The following MACROD2 variants were observed in gnomAD, a reference collection of about 807,000 sequenced individuals.
MACROD2 encodes the protein ADP-ribose glycohydrolase MACROD2.
MACROD2 carries 36 observed loss-of-function variants against 70.4 expected under a neutral mutation model. That is an observed-to-expected ratio of 0.51 (90% confidence interval 0.39 to 0.68). The LOEUF (loss-of-function observed/expected upper bound fraction) is 0.68. MACROD2 is among the 30% of genes least tolerant of loss of function. The pLI, the probability that MACROD2 is intolerant of heterozygous loss-of-function variation, is 0.00. For synonymous variants in MACROD2, 172 were observed against 178.8 expected, an observed-to-expected ratio of 0.96 and a Z score of 0.30; for missense variants, 496 against 538.4, an observed-to-expected ratio of 0.92 and a Z score of 0.78.
chr20:15,721,962 G>A (rs2146935999), intron 8 of MACROD2, among the ~76,000 whole-genome samples: 1 of 152,048 alleles, frequency 6.6e-6, no homozygotes, highest in African/African-American at 2.4e-5. Context: ...TATTGTTTTT[G>A]AATCTTATAT....
chr20:15,210,086 C>CT (rs1357420514), intron 5 of MACROD2, among the ~76,000 whole-genome samples: 1 of 152,194 alleles, frequency 6.6e-6, no homozygotes, highest in African/African-American at 2.4e-5. Flanking sequence ...GTTCATCTCT[C>CT]TCTCACTATT....
At chr20:14,679,607 ATAGAT>A (rs2070905315) in intron 4 of MACROD2, among the ~76,000 whole-genome samples, 1 of 152,226 alleles carries the variant, frequency 6.6e-6, no homozygotes. Flanking sequence ...AGAATTGACA[ATAGAT>A]TAGAGAATTT....
rs541829265 is a variant in MACROD2, at chr20:15,449,422, G to A, written c.571+17987G>A. ...GCTTTTAATCATTAAAGTGAGATAC[G>A]CACATGCTAAAAAACAGTAAAGCAA... On this transcript the variant is annotated intron_variant, in intron 7 of 17. Coordinates refer to ENST00000684519, the MANE Select transcript of MACROD2 (RefSeq NM_001351661.2). Among the ~76,000 whole-genome samples, 553 of 152,158 alleles carry A rather than the reference G, an allele frequency of 3.6e-3. 3 individuals are homozygous for A. Among genetic ancestry groups the A allele is most frequent in the Non-Finnish European group, 5.9e-3 (400 of 67,988 alleles).
intron 6 of MACROD2, among the ~76,000 whole-genome samples, chr20:15,291,316 C>A (rs1220703520): frequency 6.6e-6 from 1 of 152,212 alleles, no homozygotes; most frequent in African/African-American, 2.4e-5. Context: ...GATCAGCTGG[C>A]TGACCTTTGC....
At chr20:15,336,266 G>A (rs575373924) in intron 6 of MACROD2, among the ~76,000 whole-genome samples, 4 of 151,358 alleles carry the variant, frequency 2.6e-5, no homozygotes, top group South Asian at 4.2e-4. Flanking sequence ...TCAGTAGGTG[G>A]AGGCTTAATA....
At chr20:16,035,927 C>G (rs1369326683) in intron 15 of MACROD2, among the ~76,000 whole-genome samples, 1 of 151,914 alleles carries the variant, frequency 6.6e-6, no homozygotes, top group Non-Finnish European at 1.5e-5. Flanking sequence ...TGCTAACATC[C>G]CATTGGCCAA....
At chr20:15,461,798 T>G (rs1388942852) in intron 7 of MACROD2, among the ~76,000 whole-genome samples, 1 of 152,156 alleles carries the variant, frequency 6.6e-6, no homozygotes, top group Admixed American at 6.5e-5. Context: ...ACCCAGAAAC[T>G]TGGTGGCTTA....
chr20:14,460,049 A>G (rs1036988290), intron 3 of MACROD2, among the ~76,000 whole-genome samples: 2 of 152,148 alleles, frequency 1.3e-5, no homozygotes, highest in Non-Finnish European at 2.9e-5. Context: ...TGCAAAGGAC[A>G]TGAACTCATC....
chr20:15,039,963 T>A (rs1323753877), intron 5 of MACROD2, among the ~76,000 whole-genome samples: 1 of 152,264 alleles, frequency 6.6e-6, no homozygotes, highest in Non-Finnish European at 1.5e-5. Flanking sequence ...CCACTTGTTA[T>A]TAAGGGGTCG....
chr20:14,056,354 A>G (rs1024338266), intron 2 of MACROD2, among the ~76,000 whole-genome samples: 5 of 151,884 alleles, frequency 3.3e-5, no homozygotes, highest in Non-Finnish European at 5.9e-5. Flanking sequence ...TTTTAAAGCA[A>G]TGGCCCTTTG....
At chr20:15,560,619 C>T (rs2048228490) in intron 8 of MACROD2, among the ~76,000 whole-genome samples, 1 of 151,714 alleles carries the variant, frequency 6.6e-6, no homozygotes, top group Non-Finnish European at 1.5e-5. Context: ...CAAAATTAGC[C>T]AGTCATGGTG....
chr20:15,399,145 C>G (rs933988502), intron 6 of MACROD2, among the ~76,000 whole-genome samples: 4 of 152,116 alleles, frequency 2.6e-5, no homozygotes, highest in Non-Finnish European at 5.9e-5. Flanking sequence ...CCCAAGCAGA[C>G]AGGGTTCAGT....
intron 3 of MACROD2, among the ~76,000 whole-genome samples, chr20:14,294,231 T>C (rs983940659): frequency 6.8e-6 from 1 of 146,476 alleles, no homozygotes; most frequent in East Asian, 1.9e-4. Context: ...TGTGTGTGTG[T>C]TCATGCATGT....
At chr20:14,402,926 G>C (rs770210069) in intron 3 of MACROD2, among the ~76,000 whole-genome samples, 7 of 152,142 alleles carry the variant, frequency 4.6e-5, no homozygotes, top group Non-Finnish European at 1.0e-4. Context: ...GCAGCTACTT[G>C]CATGGGTAAT....
At chr20:14,675,987 A>G (rs544272799) in intron 4 of MACROD2, among the ~76,000 whole-genome samples, 1 of 152,354 alleles carries the variant, frequency 6.6e-6, no homozygotes, top group African/African-American at 2.4e-5. Context: ...CAATGCAACA[A>G]GAAGAGCTAA....
chr20:14,483,221 A>G (rs1164767894), intron 3 of MACROD2, among the ~76,000 whole-genome samples: 1 of 152,160 alleles, frequency 6.6e-6, no homozygotes, highest in Admixed American at 6.5e-5. Flanking sequence ...TGTTTGGCAT[A>G]CATGAAGCGT....
At chr20:14,407,522 C>T (rs2083704178) in intron 3 of MACROD2, among the ~76,000 whole-genome samples, 1 of 152,040 alleles carries the variant, frequency 6.6e-6, no homozygotes, top group South Asian at 2.1e-4. Context: ...TCATATTGTT[C>T]AACATTAGGT....
chr20:14,237,380 G>A (rs1015911821), intron 3 of MACROD2, among the ~76,000 whole-genome samples: 1 of 151,506 alleles, frequency 6.6e-6, no homozygotes, highest in Non-Finnish European at 1.5e-5. Context: ...TCCTCACTTA[G>A]TGGGACTCCT....
intron 8 of MACROD2, among the ~76,000 whole-genome samples, chr20:15,567,853 G>A (rs1163717683): frequency 6.6e-6 from 1 of 152,192 alleles, no homozygotes; most frequent in Non-Finnish European, 1.5e-5. Flanking sequence ...TGGGCTCAGA[G>A]TTATCACTTC....
Sources: gnomAD v4.1 joint callset for allele counts (sites outside exome capture counted in the v4.1 genomes callset) on GRCh38, gnomAD v4.1.1 for gene constraint, MANE v1.5 for transcripts, NCBI Gene and HGNC (gene_info 2026-07-23, HGNC 2026-07-21) for gene names.